DAB2IP: variants seen among roughly 807,000 people sequenced by gnomAD.
The protein encoded by DAB2IP is DAB2 interacting protein, also known as disabled homolog 2-interacting protein.
Under a neutral mutation model 107.2 loss-of-function variants are expected in DAB2IP, and 28 were observed. The ratio of observed to expected loss-of-function variants is 0.26; its 90% CI spans 0.19 to 0.36. DAB2IP has a LOEUF of 0.36. DAB2IP is among the 10% of genes least tolerant of loss of function. The probability of loss-of-function intolerance (pLI) is 1.00; values close to 1 mark genes in which losing one functional copy is unlikely to be tolerated. For missense variants in DAB2IP, 1,400 were observed against 1,644.7 expected (o/e 0.85, Z 2.57); for synonymous variants, 755 against 706.4 (o/e 1.07, Z -1.09).
At position 121,760,528 on chromosome 9, in the gene DAB2IP, A is replaced by C; in HGVS notation, c.1170+89A>C. ...CTCACATCCGTACATTTCAGGCCTA[A>C]CAGAGGCCTTGGAGGCACCGGTCAC... is the stretch of plus-strand genomic sequence containing the variant. On this transcript the variant is annotated intron_variant, in intron 6 of 15. Transcript: ENST00000408936. This position sits in a 1 kb window ranked among gnomAD's most constrained non-coding sequence, Gnocchi z 5.9. 2 of 1,411,496 alleles carry C rather than the reference A, an allele frequency of 1.4e-6. No individual in the cohort carries two copies. The highest frequency in any genetic ancestry group is 1.9e-6 in the Non-Finnish European group (2 of 1,070,036). 87.4% of individuals were successfully genotyped at this position (1,411,496 alleles called of 1,614,324 possible). A position where few individuals can be genotyped will look rare whatever the true frequency, so the allele number is the denominator to read the frequency against.
At chr9:121,751,164 C>G in intron 3 of DAB2IP, 2 of 181,544 alleles carry the variant, frequency 1.1e-5, no homozygotes. Context: ...GTGGACCTTT[C>G]CCCCTGCCCG....
Position 121,739,167 on chromosome 9 carries a change from A to G in DAB2IP, c.363-17846A>G, listed in dbSNP as rs151324199. ...GGGCAGGACCTGTTGTAGATGGAGC[A>G]GTCAGGGAAGGATTGAGTTGCAGAA... is the stretch of plus-strand genomic sequence containing the variant. On this transcript the variant is annotated intron_variant, in intron 3 of 15. Transcript: ENST00000408936. Among the ~76,000 whole-genome samples, 807 of 152,388 alleles carry G rather than the reference A, an allele frequency of 5.3e-3. 6 individuals carry two copies. Among genetic ancestry groups the G allele is most frequent in the Non-Finnish European group, 8.5e-3 (580 of 68,040 alleles).
rs1829827967 is a variant in DAB2IP at position 121,567,319 on chromosome 9, G to A, written c.40+91G>A. 1.9e-6 allele frequency: 3 copies of A among 1,588,960 alleles called. No individual in the cohort carries two copies. The Admixed American group carries it at 5.0e-5, about 27-fold the overall frequency. Reference sequence around the variant, plus strand: ...TGCTATAGGAATCTGAGTTGAAGCAGGGAGGCAGTCAGGCATCTGGGCACT... The same window carrying A: ...TGCTATAGGAATCTGAGTTGAAGCAAGGAGGCAGTCAGGCATCTGGGCACT... On this transcript the variant is annotated intron_variant, in intron 1 of 16. Transcript: ENST00000259371.
upstream of DAB2IP, among the ~76,000 whole-genome samples, chr9:121,649,558 G>A (rs1366094294): frequency 1.3e-5 from 2 of 152,268 alleles, no homozygotes; most frequent in East Asian, 3.9e-4. Flanking sequence ...AACAAAATGG[G>A]CCAGATGAAC....
At chr9:121,601,848 A>C (rs1424671819) in intron 1 of DAB2IP, among the ~76,000 whole-genome samples, 1 of 152,028 alleles carries the variant, frequency 6.6e-6, no homozygotes, top group East Asian at 1.9e-4. Flanking sequence ...TCTTTAGAGC[A>C]CATGCTTCGC....
At chr9:121,573,619 G>A (rs1356903728) in intron 1 of DAB2IP, among the ~76,000 whole-genome samples, 1 of 152,048 alleles carries the variant, frequency 6.6e-6, no homozygotes, top group Admixed American at 6.6e-5. Flanking sequence ...CTGACCTCAG[G>A]TAATCTGCCC....
At chr9:121,740,421 G>A (rs10217232) in intron 3 of DAB2IP, among the ~76,000 whole-genome samples, 3,512 of 152,156 alleles carry the variant, frequency 0.023, 92 homozygotes, top group East Asian at 0.11. Flanking sequence ...CTGGGTCCAC[G>A]GCCCCTAAAT....
intron 3 of DAB2IP, among the ~76,000 whole-genome samples, chr9:121,750,080 T>G (rs1832997803): frequency 6.6e-6 from 1 of 152,126 alleles, no homozygotes; most frequent in African/African-American, 2.4e-5. Context: ...CTCCTGAGCC[T>G]CCCGCCTGCA....
chr9:121,671,020 A>G (rs1478582818), intron 1 of DAB2IP, among the ~76,000 whole-genome samples: 1 of 152,180 alleles, frequency 6.6e-6, no homozygotes, highest in Non-Finnish European at 1.5e-5. Context: ...GCATGGTGGC[A>G]CACACCTGTA....
chr9:121,699,320 C>T lies in DAB2IP; in HGVS notation c.229-5C>T. ...CCCTTCCCCCTCTTGTCCCCCCGTG[C>T]GCAGGGCTTCCTCAGCCGCCGCCTC... is the stretch of plus-strand genomic sequence containing the variant. On this transcript the variant is annotated splice_polypyrimidine_tract_variant and splice_region_variant and intron_variant, in intron 2 of 15. Coordinates refer to ENST00000408936, the Ensembl canonical transcript of DAB2IP. This position sits in a 1 kb window ranked among gnomAD's most constrained non-coding sequence, Gnocchi z 6.2. 7.0e-7 allele frequency: 1 copy of T among 1,432,418 alleles called. No homozygotes were observed. 88.7% of individuals were successfully genotyped at this position (1,432,418 alleles called of 1,614,324 possible). A position where few individuals can be genotyped will look rare whatever the true frequency, so the allele number is the denominator to read the frequency against.
chr9:121,730,141 G>A (rs911317884), intron 3 of DAB2IP, among the ~76,000 whole-genome samples: 5 of 152,132 alleles, frequency 3.3e-5, no homozygotes, highest in Non-Finnish European at 5.9e-5. Flanking sequence ...CCCACTGGCC[G>A]CCAAGGAAAG....
intron 1 of DAB2IP, among the ~76,000 whole-genome samples, chr9:121,615,807 G>A (rs1414841828): frequency 1.3e-5 from 2 of 151,902 alleles, no homozygotes; most frequent in Non-Finnish European, 2.9e-5. Context: ...TATATTTTTA[G>A]TAGAGACAGG....
intron 3 of DAB2IP, among the ~76,000 whole-genome samples, chr9:121,735,968 C>T (rs924210648): frequency 1.3e-5 from 2 of 152,252 alleles, no homozygotes; most frequent in African/African-American, 4.8e-5. Flanking sequence ...CCTGTCTCCT[C>T]CTTCCCTGCA....
intron 2 of DAB2IP, among the ~76,000 whole-genome samples, chr9:121,682,581 T>C (rs1027526242): frequency 6.6e-6 from 1 of 152,196 alleles, no homozygotes; most frequent in African/African-American, 2.4e-5. Flanking sequence ...CTGTAGGGCA[T>C]TGAAGGCTCA....
intron 13 of DAB2IP, 87 bp downstream of exon 13, chr9:121,774,499 A>G: frequency 7.0e-7 from 1 of 1,429,904 alleles, no homozygotes; most frequent in Non-Finnish European, 9.2e-7. Flanking sequence ...GTCCCCCAGC[A>G]ACGGGTGCTG....
At chr9:121,718,543 C>T (rs542975026) in intron 3 of DAB2IP, among the ~76,000 whole-genome samples, 74 of 152,328 alleles carry the variant, frequency 4.9e-4, no homozygotes, top group Admixed American at 9.8e-4. Context: ...GCCCTGGTCT[C>T]CTCTCTTGAC....
chr9:121,730,421 G>T (rs1470643790), intron 3 of DAB2IP, among the ~76,000 whole-genome samples: 1 of 152,222 alleles, frequency 6.6e-6, no homozygotes, highest in Non-Finnish European at 1.5e-5. Flanking sequence ...ACCAATTATA[G>T]CTCCATATTG....
exon 16 of DAB2IP, chr9:121,784,232 C>G (rs902125224): frequency 6.5e-6 from 1 of 154,176 alleles, no homozygotes. Flanking sequence ...CTGCCCCCAC[C>G]CCTTCCTGTC....
chr9:121,771,801 G>T (rs549508567), intron 11 of DAB2IP, among the ~76,000 whole-genome samples: 4 of 152,044 alleles, frequency 2.6e-5, no homozygotes, highest in African/African-American at 9.7e-5. Flanking sequence ...CTTCCTCTCC[G>T]TCTGAGGCTA....
Sources: allele counts gnomAD v4.1 joint callset (sites outside exome capture counted in the v4.1 genomes callset), GRCh38; gene constraint gnomAD v4.1.1; non-coding constraint Gnocchi (gnomAD v3.1); transcripts MANE v1.5; gene names NCBI Gene and HGNC (gene_info 2026-07-23, HGNC 2026-07-21).